The following MTF1 variants were observed in gnomAD, a reference collection of about 807,000 sequenced individuals.
MTF1 encodes the protein metal regulatory transcription factor 1.
A neutral mutation model predicts 70.4 loss-of-function variants in MTF1; 22 were observed. The ratio of observed to expected loss-of-function variants is 0.31; its 90% CI spans 0.22 to 0.45. The LOEUF is 0.45. MTF1 is among the 20% of genes least tolerant of loss of function. The pLI is 1.00. For missense variants in MTF1, 649 were observed against 922.0 expected (o/e 0.70, Z 3.83); for synonymous variants, 333 against 352.8 (o/e 0.94, Z 0.63).
chr1:37,859,490 G>A (rs745846501), intron 1 of MTF1, 41 bp downstream of exon 1: 38 of 398,664 alleles, frequency 9.5e-5, no homozygotes, highest in Middle Eastern at 6.2e-4. Flanking sequence ...GCGCCTCCCG[G>A]TAAGTCCCAA....
At chr1:37,823,902 G>A in intron 7 of MTF1, 90 bp from the exon 8 acceptor site, 1 of 949,798 alleles carries the variant, frequency 1.1e-6, no homozygotes, top group South Asian at 1.5e-5. Flanking sequence ...GAACTAGAAT[G>A]AAAATCTTTT....
chr1:37,837,804 C>T (rs1186373769), intron 4 of MTF1, among the ~76,000 whole-genome samples: 2 of 152,188 alleles, frequency 1.3e-5, no homozygotes, highest in Non-Finnish European at 2.9e-5. Flanking sequence ...CCATGCCCGG[C>T]CTCAAAGACA....
At position 37,856,256 on chromosome 1, in the gene MTF1, C is replaced by A. The variant is rs543319111; in HGVS notation, c.408+995G>T. Among the ~76,000 whole-genome samples, 5 of 146,968 alleles carry A rather than the reference C, an allele frequency of 3.4e-5. No individual in the cohort carries two copies. The South Asian group carries it at 1.1e-3, about 32-fold the overall frequency. Reference sequence around the variant, plus strand: ...GCAGTGGCACGATCTTGGCTCCCTGCCACCTCCACCTCCCAGATTCAAGTA... The same window carrying A: ...GCAGTGGCACGATCTTGGCTCCCTGACACCTCCACCTCCCAGATTCAAGTA... On this transcript the variant is annotated intron_variant, in intron 2 of 10. Transcript: ENST00000373036.
Position 37,815,290 on chromosome 1 carries a change from G to A in MTF1, c.2108C>T (p.Thr703Ile), listed in dbSNP as rs143419615. 85 of 1,614,012 alleles carry A rather than the reference G, an allele frequency of 5.3e-5. No homozygotes were observed. Among genetic ancestry groups the A allele is most frequent in the Non-Finnish European group, 6.5e-5 (77 of 1,180,042 alleles). ...TGTTTCTGTCTGAGGGTCTGAAGGA[G>A]TCTCTGCTTGTCGGCTTTGCTCACA... The part of the protein sequence containing the change: ...SSCEQSRQAE[T>I]PSDPQTETLS... The change falls in exon 11 of 11, where the codon ACT becomes ATT. Residue 703 changes from threonine to isoleucine, a missense_variant. By Grantham distance (89) the Thr-to-Ile change is moderately conservative. Transcript: ENST00000373036. This position sits in a 1 kb window ranked among gnomAD's most constrained non-coding sequence, Gnocchi z 4.5.
intron 9 of MTF1, among the ~76,000 whole-genome samples, chr1:37,818,653 G>A (rs1215718354): frequency 1.3e-5 from 2 of 148,568 alleles, no homozygotes; most frequent in African/African-American, 2.5e-5. Context: ...GCAGTGAGCC[G>A]AGATCGCGCC....
chr1:37,822,189 T>C lies in MTF1; in HGVS notation c.1699A>G (p.Met567Val), dbSNP rs753636595. The C allele has an allele frequency of 8.1e-6, 13 of 1,613,898 alleles. No individual in the cohort carries two copies. Among genetic ancestry groups the C allele is most frequent in the Non-Finnish European group, 1.1e-5 (13 of 1,179,944 alleles). ...ATCCATTGTAAGTTCTGTTCTCCCA[T>C]GACTAGGCTGGACTGCAGGATAGCT... Reference protein sequence around the residue: ...NTAILQSSLVMGEQNLQWILN... With the variant: ...NTAILQSSLVVGEQNLQWILN... Residue 567 changes from methionine to valine, a missense_variant, in exon 9 of 11, where the codon ATG becomes GTG. By Grantham distance (21) the Met-to-Val change is conservative (BLOSUM62 1). Coordinates refer to ENST00000373036, the MANE Select transcript of MTF1 (RefSeq NM_005955.3).
intron 2 of MTF1, among the ~76,000 whole-genome samples, chr1:37,846,630 T>G (rs1641335581): frequency 6.6e-6 from 1 of 152,106 alleles, no homozygotes; most frequent in Middle Eastern, 3.4e-3. Context: ...ACAGAAATAT[T>G]TAACAAAGAT....
chr1:37,816,688 A>G (rs1395310253), intron 10 of MTF1, among the ~76,000 whole-genome samples: 4 of 151,346 alleles, frequency 2.6e-5, no homozygotes, highest in East Asian at 1.9e-4. Context: ...AAAAAAAAAA[A>G]AAAGAAAGAA....
Position 37,839,965 on chromosome 1 carries a change from T to G in MTF1, c.602A>C (p.Glu201Ala). Residue 201 changes from glutamate to alanine, a missense_variant, in exon 3 of 11, where the codon GAG (glutamate) becomes GCG (alanine). Glu to Ala is a moderately radical substitution (Grantham distance 107, BLOSUM62 -1). Coordinates refer to ENST00000373036, the MANE Select transcript of MTF1 (RefSeq NM_005955.3). ...VRVHTKEKPF[E>A]CDVQGCEKAF... is the part of the protein sequence containing the mutation. ...CTTCTCACAGCCCTGCACGTCACAC[T>G]CAAATGGCTTCTCCTTCGTGTGCAC... 1 of 1,614,188 alleles carries G rather than the reference T, an allele frequency of 6.2e-7. No homozygotes were observed. Among genetic ancestry groups the G allele is most frequent in the Non-Finnish European group, 8.5e-7 (1 of 1,180,034 alleles).
At chr1:37,838,444 T>C (rs1050753999) in intron 4 of MTF1, among the ~76,000 whole-genome samples, 181 bp downstream of exon 4, 1 of 152,206 alleles carries the variant, frequency 6.6e-6, no homozygotes, top group Non-Finnish European at 1.5e-5. Context: ...AGGATGTTCT[T>C]GGACTCCATC....
In MTF1 at chr1:37,857,368, A is replaced by T; in HGVS notation, c.291T>A (p.Ile97=). The change falls in exon 2 of 11, where the codon ATT becomes ATA. Residue 97 remains isoleucine, a synonymous_variant. Coordinates refer to ENST00000373036, the MANE Select transcript of MTF1 (RefSeq NM_005955.3). ...EAMSQGYVQH[I]ISPDQIHLTI... is the part of the protein sequence containing the mutation. ...TCAAATGAATCTGATCTGGTGAGAT[A>T]ATGTGCTGCACATAACCCTGGGACA... The T allele has an allele frequency of 6.2e-7, 1 of 1,614,202 alleles. No individual in the cohort carries two copies. The highest frequency in any genetic ancestry group is 8.5e-7 in the Non-Finnish European group (1 of 1,180,032).
At position 37,813,389 on chromosome 1, in the gene MTF1, C is replaced by T. The variant is rs952302073; in HGVS notation, c.*1747G>A. The T allele has an allele frequency of 1.3e-5, 2 of 152,214 alleles. No homozygotes were observed. Among genetic ancestry groups the T allele is most frequent in the African/African-American group, 4.8e-5 (2 of 41,456 alleles). The allele number at this position is 152,214 out of a possible 1,614,324, so 9.4% of individuals were successfully genotyped here. On this transcript the variant is annotated 3_prime_UTR_variant, in exon 11 of 11. Transcript: ENST00000373036. ...TCCTCATGGCAGTAACAACATTCAC[C>T]ACCACTGCCCTCTTTGTCTGTCCCT...
Position 37,857,313 on chromosome 1 carries a change from T to G in MTF1, c.346A>C (p.Arg116=), listed in dbSNP as rs768342051. Reference sequence around the variant, plus strand: ...GTGAGGGTTGCACCTTCAATATTTCTTGGCATGGGTGTGGAACCAGGGTTT... The same window carrying G: ...GTGAGGGTTGCACCTTCAATATTTCGTGGCATGGGTGTGGAACCAGGGTTT... The part of the protein sequence containing the change: ...TINPGSTPMP[R]NIEGATLTLQ... The change falls in exon 2 of 11, where the codon AGA becomes CGA. Residue 116 remains arginine, a synonymous_variant. Transcript: ENST00000373036. 1.9e-6 allele frequency: 3 copies of G among 1,614,208 alleles called. No individual in the cohort carries two copies. Among genetic ancestry groups the G allele is most frequent in the Non-Finnish European group, 2.5e-6 (3 of 1,180,036 alleles).
intron 1 of MTF1, among the ~76,000 whole-genome samples, chr1:37,858,155 C>T (rs546224681): frequency 1.5e-3 from 225 of 152,176 alleles, no homozygotes; most frequent in African/African-American, 5.1e-3. Flanking sequence ...GCAAACAGAA[C>T]AGCAGCTGCT....
chr1:37,857,167 AC>A, intron 2 of MTF1, 83 bp downstream of exon 2: 1 of 1,390,968 alleles, frequency 7.2e-7, no homozygotes, highest in South Asian at 1.3e-5. Context: ...GCACTCCTTT[AC>A]TCCCCAGCTA....
intron 4 of MTF1, among the ~76,000 whole-genome samples, chr1:37,836,937 GAA>G (rs2148412233): frequency 7.6e-6 from 1 of 131,842 alleles, no homozygotes; most frequent in Non-Finnish European, 1.6e-5. Context: ...CAGCCTACGG[GAA>G]GGGGGGCGGC....
At chr1:37,833,632 C>T (rs534689233) in intron 6 of MTF1, among the ~76,000 whole-genome samples, 1 of 152,232 alleles carries the variant, frequency 6.6e-6, no homozygotes, top group South Asian at 2.1e-4. Flanking sequence ...GTAGAGCTTA[C>T]GTTCTAGCAG....
chr1:37,827,726 G>T (rs1442341054), intron 7 of MTF1, among the ~76,000 whole-genome samples: 1 of 152,110 alleles, frequency 6.6e-6, no homozygotes, highest in Admixed American at 6.6e-5. Context: ...CTTTTGTTCT[G>T]TTTATAAATC....
chr1:37,834,026 G>A (rs1187659647), intron 6 of MTF1, among the ~76,000 whole-genome samples: 2 of 152,012 alleles, frequency 1.3e-5, no homozygotes, highest in Non-Finnish European at 2.9e-5. Context: ...AGGAGTGCAA[G>A]ACCGGCCCAG....
Sources: gnomAD v4.1 joint callset for allele counts (sites outside exome capture counted in the v4.1 genomes callset) on GRCh38, gnomAD v4.1.1 for gene constraint, Gnocchi (gnomAD v3.1) non-coding constraint, MANE v1.5 for transcripts, NCBI Gene and HGNC (gene_info 2026-07-23, HGNC 2026-07-21) for gene names.